Variants in CFAP47 observed in about 807,000 individuals in gnomAD.
CFAP47 encodes cilia and flagella associated protein 47.
CFAP47 carries 29 observed loss-of-function variants against 148.1 expected under a neutral mutation model. The observed-to-expected ratio is 0.20, with a 90% CI of 0.15 to 0.27. The LOEUF (loss-of-function observed/expected upper bound fraction) is 0.27, where lower values mean the gene tolerates loss of function less well. Ranked by LOEUF, CFAP47 falls within the 10% of genes least tolerant of loss-of-function variation. The pLI, the probability that CFAP47 is intolerant of heterozygous loss-of-function variation, is 1.00. For synonymous variants in CFAP47, 664 were observed against 577.3 expected, an observed-to-expected ratio of 1.15 and a Z score of -2.15; for missense variants, 1,872 against 1,697.5, an observed-to-expected ratio of 1.10 and a Z score of -1.81.
At chrX:36,325,054 T>C (rs1941506889) in intron 57 of CFAP47, among the ~76,000 whole-genome samples, 1 of 111,501 alleles carries the variant, frequency 9.0e-6, no homozygotes, top group Non-Finnish European at 1.9e-5. Flanking sequence ...TCATATATTT[T>C]ACTCTTCCTC....
chrX:36,002,392 G>A (rs1161311070), intron 21 of CFAP47, among the ~76,000 whole-genome samples: 1 of 111,094 alleles, frequency 9.0e-6, no homozygotes, highest in Non-Finnish European at 1.9e-5. Flanking sequence ...TTTGAGACCA[G>A]CCTGACCAAC....
intron 62 of CFAP47, among the ~76,000 whole-genome samples, chrX:36,368,484 T>C (rs782235973): frequency 1.6e-4 from 18 of 110,963 alleles, no homozygotes; most frequent in Non-Finnish European, 3.2e-4. Context: ...AATGTTCCAC[T>C]TTGCTAGAGA....
intron 26 of CFAP47, among the ~76,000 whole-genome samples, chrX:36,061,098 C>T (rs1937590238): frequency 9.1e-6 from 1 of 110,437 alleles, no homozygotes; most frequent in Non-Finnish European, 1.9e-5. Flanking sequence ...TTGCTGTTCT[C>T]GCAGTAGTGA....
At chrX:35,964,283 C>G (rs1004697382) in intron 8 of CFAP47, among the ~76,000 whole-genome samples, 2 of 111,555 alleles carry the variant, frequency 1.8e-5, no homozygotes, top group Non-Finnish European at 3.8e-5. Flanking sequence ...GAACACACCT[C>G]TCCACTGCCT....
chrX:36,015,432 C>A (rs764645263), intron 22 of CFAP47, among the ~76,000 whole-genome samples: 1 of 110,629 alleles, frequency 9.0e-6, no homozygotes. Context: ...TACATTTTTG[C>A]AAGTTGGCTT....
chrX:36,250,413 AGTT>A (rs1940677260), intron 48 of CFAP47, among the ~76,000 whole-genome samples: 1 of 109,870 alleles, frequency 9.1e-6, no homozygotes, highest in Non-Finnish European at 1.9e-5. Flanking sequence ...TGATGGGGGG[AGTT>A]GTTGGAGAGA....
At chrX:35,969,470 A>G (rs1309618322) in intron 10 of CFAP47, among the ~76,000 whole-genome samples, 1 of 111,297 alleles carries the variant, frequency 9.0e-6, no homozygotes, top group African/African-American at 3.3e-5. Context: ...TTCCATAGTA[A>G]TTTTTGTCCC....
chrX:36,382,488 C>T (rs1334889954), intron 63 of CFAP47, among the ~76,000 whole-genome samples: 4 of 111,510 alleles, frequency 3.6e-5, no homozygotes, highest in Non-Finnish European at 5.6e-5. Context: ...AACTTTCAAT[C>T]TTACAATTGA....
At chrX:36,177,725 C>T (rs1224129598) in intron 39 of CFAP47, among the ~76,000 whole-genome samples, 3 of 111,969 alleles carry the variant, frequency 2.7e-5, no homozygotes, top group African/African-American at 6.5e-5. Context: ...AACAATAGTA[C>T]AGAATCTGAT....
chrX:35,946,170 G>A (rs1194443885), intron 3 of CFAP47, among the ~76,000 whole-genome samples: 3 of 110,874 alleles, frequency 2.7e-5, no homozygotes, highest in African/African-American at 9.8e-5. Context: ...ACCGCACCTG[G>A]CCAACATTCT....
intron 63 of CFAP47, among the ~76,000 whole-genome samples, chrX:36,380,375 A>G (rs1401840300): frequency 8.8e-6 from 1 of 113,083 alleles, no homozygotes; most frequent in Non-Finnish European, 1.9e-5. Context: ...AAGAGTCCTT[A>G]CAATCTAGGT....
chrX:36,304,764 C>T (rs1160155613), intron 54 of CFAP47, among the ~76,000 whole-genome samples: 1 of 111,511 alleles, frequency 9.0e-6, no homozygotes, highest in Non-Finnish European at 1.9e-5. Context: ...GCCCAACTTT[C>T]TCATTCTTAG....
intron 18 of CFAP47, among the ~76,000 whole-genome samples, chrX:35,994,983 A>G (rs1936829662): frequency 8.9e-6 from 1 of 112,006 alleles, no homozygotes; most frequent in African/African-American, 3.2e-5. Flanking sequence ...TATTGTGATG[A>G]AGAAATGTTG....
chrX:36,017,896 G>A (rs1301056256), intron 22 of CFAP47, among the ~76,000 whole-genome samples: 1 of 111,102 alleles, frequency 9.0e-6, no homozygotes, highest in Non-Finnish European at 1.9e-5. Flanking sequence ...TTCAATTTCT[G>A]TGAAGAATGT....
intron 39 of CFAP47, among the ~76,000 whole-genome samples, chrX:36,172,694 G>T (rs1280592951): frequency 9.0e-6 from 1 of 111,091 alleles, no homozygotes; most frequent in African/African-American, 3.3e-5. Flanking sequence ...TGCTGGATTC[G>T]GTTTGCCAGT....
intron 5 of CFAP47, among the ~76,000 whole-genome samples, 186 bp downstream of exon 5, chrX:35,951,545 A>T (rs1002601733): frequency 8.9e-6 from 1 of 112,026 alleles, no homozygotes; most frequent in African/African-American, 3.2e-5. Context: ...ATTTATAGTA[A>T]TATATATCTG....
At chrX:36,063,018 C>G (rs1937606713) in intron 26 of CFAP47, among the ~76,000 whole-genome samples, 2 of 111,998 alleles carry the variant, frequency 1.8e-5, no homozygotes, top group Non-Finnish European at 3.8e-5. Flanking sequence ...TTAACATTCA[C>G]ATCGTATCTT....
Position 35,953,584 on chromosome X carries a change from T to C in CFAP47, c.1047-8T>C. ...CTTTAAAAATAACTCATTGTGATTT[T>C]TTTACAGGCTAATGGCTGTTGGTAA... is the stretch of plus-strand genomic sequence containing the variant. On this transcript the variant is annotated splice_region_variant and splice_polypyrimidine_tract_variant and intron_variant, in intron 6 of 63. Transcript: ENST00000378653. The C allele has an allele frequency of 8.5e-7, 1 of 1,172,951 alleles. No homozygotes were observed. The highest frequency in any genetic ancestry group is 1.1e-6 in the Non-Finnish European group (1 of 874,936).
At chrX:36,213,622 C>T (rs1409641446) in intron 45 of CFAP47, among the ~76,000 whole-genome samples, 6 of 111,843 alleles carry the variant, frequency 5.4e-5, no homozygotes, top group African/African-American at 2.0e-4. Context: ...ATTTAAGTGT[C>T]TTCACAGACC....
Sources: gnomAD v4.1 joint callset for allele counts (sites outside exome capture counted in the v4.1 genomes callset) on GRCh38, gnomAD v4.1.1 for gene constraint, MANE v1.5 for transcripts, NCBI Gene and HGNC (gene_info 2026-07-23, HGNC 2026-07-21) for gene names.